Variants in KCND2 observed in about 807,000 individuals in gnomAD.
The protein encoded by KCND2 is potassium voltage-gated channel subfamily D member 2.
In KCND2, 16 loss-of-function variants were observed where a neutral mutation model predicts 54.4. The observed-to-expected ratio is 0.29, with a 90% confidence interval of 0.20 to 0.45. KCND2 has a LOEUF of 0.45. Ranked by LOEUF, KCND2 falls within the 20% of genes least tolerant of loss-of-function variation. The pLI is 1.00. For synonymous variants in KCND2, 317 were observed against 310.7 expected (o/e 1.02, Z -0.21); for missense variants, 486 against 824.2 (o/e 0.59, Z 5.02).
At chr7:120,367,152 T>C (rs949988220) in intron 1 of KCND2, among the ~76,000 whole-genome samples, 9 of 152,128 alleles carry the variant, frequency 5.9e-5, no homozygotes, top group Non-Finnish European at 5.9e-5. Flanking sequence ...ATACACCTGC[T>C]ACAGACAAGA....
Position 120,308,755 on chromosome 7 carries a change from T to A in KCND2, c.1115+33008T>A, listed in dbSNP as rs1286524575. Reference sequence around the variant, plus strand: ...GTGGGTATATCTAAAATAAATTTTGTCCATGGCCAATTATCAGCTGTGTAA... The same window carrying A: ...GTGGGTATATCTAAAATAAATTTTGACCATGGCCAATTATCAGCTGTGTAA... On this transcript the variant is annotated intron_variant, in intron 1 of 5. Transcript: ENST00000331113. 2.6e-5 allele frequency among the ~76,000 whole-genome samples: 4 copies of A among 152,308 alleles called. No homozygotes were observed. The East Asian group carries it at 7.7e-4, about 29-fold the overall frequency.
intron 1 of KCND2, among the ~76,000 whole-genome samples, chr7:120,524,060 A>T (rs1343940778): frequency 2.0e-5 from 3 of 151,662 alleles, no homozygotes; most frequent in African/African-American, 2.4e-5. Context: ...ACATGGTGAA[A>T]CCCCATCTCT....
chr7:120,339,503 C>CTGTG (rs10525061), intron 1 of KCND2, among the ~76,000 whole-genome samples: 44 of 149,812 alleles, frequency 2.9e-4, no homozygotes, highest in African/African-American at 1.1e-3. Context: ...CTTTAGAAGG[C>CTGTG]TGTGTGTGTG....
chr7:120,345,697 C>T (rs1800307029), intron 1 of KCND2, among the ~76,000 whole-genome samples: 1 of 152,068 alleles, frequency 6.6e-6, no homozygotes, highest in Non-Finnish European at 1.5e-5. Context: ...AATTTCCTTT[C>T]TTTGAAAGGT....
intron 1 of KCND2, among the ~76,000 whole-genome samples, chr7:120,411,319 CTTTG>C (rs141799114): frequency 5.3e-5 from 8 of 150,390 alleles, no homozygotes; most frequent in African/African-American, 2.0e-4. Context: ...TTCATTTTTA[CTTTG>C]TTTGATACCT....
chr7:120,728,507 T>C (rs1017358349), intron 1 of KCND2, among the ~76,000 whole-genome samples: 3 of 152,006 alleles, frequency 2.0e-5, no homozygotes, highest in African/African-American at 7.2e-5. Flanking sequence ...GTCAGGCTGG[T>C]CTTGAACTCC....
In KCND2 at chr7:120,274,374, T is replaced by G; in HGVS notation, c.-259T>G. On this transcript the variant is annotated 5_prime_UTR_variant, in exon 1 of 6. Coordinates refer to ENST00000331113, the MANE Select transcript of KCND2 (RefSeq NM_012281.3). ...GGCCTAGCCCACCTGCAGGAAGAGA[T>G]TTGGCTGGGTTCTGTTGAGGGTGAT... 1.2e-5 allele frequency: 7 copies of G among 565,750 alleles called. No homozygotes were observed. Among genetic ancestry groups the G allele is most frequent in the East Asian group, 3.0e-5 (1 of 33,048 alleles). The allele number at this position is 565,750 out of a possible 1,614,324, so 35.0% of individuals were successfully genotyped here.
At chr7:120,661,142 TAGAG>T (rs1470517740) in intron 1 of KCND2, among the ~76,000 whole-genome samples, 1 of 152,138 alleles carries the variant, frequency 6.6e-6, no homozygotes, top group Non-Finnish European at 1.5e-5. Context: ...GGAAATGGAA[TAGAG>T]AGTTGACTCT....
intron 1 of KCND2, among the ~76,000 whole-genome samples, chr7:120,484,701 GCACA>G (rs3067134): frequency 0.18 from 24,622 of 137,470 alleles, 2,447 homozygotes; most frequent in East Asian, 0.49. Context: ...TATATTACAC[GCACA>G]CACACACACA....
At chr7:120,281,532 C>T (rs571888002) in intron 1 of KCND2, among the ~76,000 whole-genome samples, 103 of 152,104 alleles carry the variant, frequency 6.8e-4, no homozygotes, top group South Asian at 2.3e-3. Flanking sequence ...GCAGCCTTTA[C>T]GTTGACCTTC....
At chr7:120,281,404 G>A (rs1370592451) in intron 1 of KCND2, among the ~76,000 whole-genome samples, 1 of 142,938 alleles carries the variant, frequency 7.0e-6, no homozygotes, top group African/African-American at 2.6e-5. Context: ...TAGATTTGAT[G>A]ATGTGGGATA....
chr7:120,306,851 T>A (rs1187669516), intron 1 of KCND2, among the ~76,000 whole-genome samples: 2 of 152,054 alleles, frequency 1.3e-5, no homozygotes, highest in Non-Finnish European at 2.9e-5. Context: ...AACACAGATA[T>A]AGTGACTATC....
rs192843794 is a variant in KCND2 at position 120,528,190 on chromosome 7, A to G, written c.1116-204713A>G. ...AGTTTATACAAACATTACTCTTTAA[A>G]TTGGATCAGGAAAGCTTCTTTATAA... On this transcript the variant is annotated intron_variant, in intron 1 of 5. Transcript: ENST00000331113. 2.2e-4 allele frequency among the ~76,000 whole-genome samples: 34 copies of G among 152,274 alleles called. No individual in the cohort carries two copies. In the East Asian group the frequency reaches 5.6e-3, roughly 25 times the overall value.
At chr7:120,398,525 G>A (rs1011576615) in intron 1 of KCND2, among the ~76,000 whole-genome samples, 3 of 152,076 alleles carry the variant, frequency 2.0e-5, no homozygotes, top group Non-Finnish European at 4.4e-5. Context: ...TCTAGAGGGA[G>A]TGAGTGGGGA....
At chr7:120,736,718 G>T (rs1177988673) in intron 2 of KCND2, among the ~76,000 whole-genome samples, 1 of 151,110 alleles carries the variant, frequency 6.6e-6, no homozygotes, top group Non-Finnish European at 1.5e-5. Context: ...TGTTTTTTTT[G>T]TAATATTCAC....
At chr7:120,464,131 T>G (rs1198088586) in intron 1 of KCND2, 1 of 909,874 alleles carries the variant, frequency 1.1e-6, no homozygotes, top group Non-Finnish European at 1.3e-6. Context: ...TCATTTAGAC[T>G]ATACTGCTAT....
intron 1 of KCND2, among the ~76,000 whole-genome samples, chr7:120,474,275 G>C (rs1475569454): frequency 1.3e-5 from 2 of 152,166 alleles, no homozygotes; most frequent in Non-Finnish European, 2.9e-5. Context: ...GCTCTGCCAA[G>C]CTTGTGTGAA....
chr7:120,465,745 A>G (rs1802359367), intron 1 of KCND2, among the ~76,000 whole-genome samples: 1 of 152,200 alleles, frequency 6.6e-6, no homozygotes, highest in Non-Finnish European at 1.5e-5. Flanking sequence ...AGTTAAACTA[A>G]ATGATGTGAG....
At chr7:120,335,794 A>G (rs1035994096) in intron 1 of KCND2, among the ~76,000 whole-genome samples, 2 of 152,136 alleles carry the variant, frequency 1.3e-5, no homozygotes, top group African/African-American at 4.8e-5. Context: ...TGGCTTTTTT[A>G]AAGAAAAAAT....
Sources: allele counts gnomAD v4.1 joint callset (sites outside exome capture counted in the v4.1 genomes callset), GRCh38; gene constraint gnomAD v4.1.1; transcripts MANE v1.5; gene names NCBI Gene and HGNC (gene_info 2026-07-23, HGNC 2026-07-21).